The following ZFP14 variants were observed in gnomAD, a reference collection of about 807,000 sequenced individuals.
The protein encoded by ZFP14 is zinc finger protein 14 homolog.
ZFP14 carries 22 observed loss-of-function variants against 54.5 expected under a neutral mutation model. That is an observed-to-expected ratio of 0.40 (90% CI 0.29 to 0.58). ZFP14 has a LOEUF of 0.58. ZFP14 is among the 20% of genes least tolerant of loss of function. The pLI, the probability that ZFP14 is intolerant of heterozygous loss-of-function variation, is 0.39. For missense variants in ZFP14, 470 were observed against 637.8 expected (o/e 0.74, Z 2.83); for synonymous variants, 159 against 204.0 (o/e 0.78, Z 1.88).
At position 36,341,271 on chromosome 19, in the gene ZFP14, T is replaced by G; in HGVS notation, c.555A>C (p.Ser185=). The change falls in exon 5 of 5, where the codon TCA becomes TCC. Residue 185 remains serine (S), a synonymous_variant. Coordinates refer to ENST00000270001, the MANE Select transcript of ZFP14 (RefSeq NM_020917.3). The surrounding 1 kb of genome is among the most constrained non-coding windows in gnomAD (Gnocchi z 4.2). The part of the protein sequence containing the change: ...KECRKTFIRR[S]TLSQHLRIHT... ...GAATTCTCAGGTGTTGACTAAGTGTTGAGCGACGAATAAAGGTCTTCCTAC... is the reference window on the plus strand; with the variant it reads ...GAATTCTCAGGTGTTGACTAAGTGTGGAGCGACGAATAAAGGTCTTCCTAC... The G allele has an allele frequency of 6.2e-7, 1 of 1,614,210 alleles. No individual in the cohort carries two copies. Among genetic ancestry groups the G allele is most frequent in the Non-Finnish European group, 8.5e-7 (1 of 1,180,050 alleles).
At chr19:36,356,205 T>A (rs2031610944) in intron 4 of ZFP14, among the ~76,000 whole-genome samples, 1 of 151,658 alleles carries the variant, frequency 6.6e-6, no homozygotes, top group Admixed American at 6.6e-5. Context: ...GAGGCTGAGG[T>A]GGATGGATCA....
rs771486287 is a variant in ZFP14 at position 36,341,334 on chromosome 19, G to C, written c.492C>G (p.Ile164Met). ...KRHNFLTEYQ[I>M]VHNGEKVYEC... Reference sequence around the variant, plus strand: ...CATACACCTTTTCTCCATTATGAACGATCTGATACTCAGTAAGAAAATTGT... The same window carrying C: ...CATACACCTTTTCTCCATTATGAACCATCTGATACTCAGTAAGAAAATTGT... The change falls in exon 5 of 5, where the codon ATC becomes ATG. Residue 164 changes from isoleucine to methionine, a missense_variant. Coordinates refer to ENST00000270001, the MANE Select transcript of ZFP14 (RefSeq NM_020917.3). This position sits in a 1 kb window ranked among gnomAD's most constrained non-coding sequence, Gnocchi z 4.2. The C allele has an allele frequency of 3.1e-6, 5 of 1,614,098 alleles. No homozygotes were observed. The highest frequency in any genetic ancestry group is 3.4e-6 in the Non-Finnish European group (4 of 1,180,020).
At chr19:36,356,019 T>C (rs1450129759) in intron 4 of ZFP14, among the ~76,000 whole-genome samples, 1 of 143,122 alleles carries the variant, frequency 7.0e-6, no homozygotes, top group Non-Finnish European at 1.6e-5. Context: ...ATTTTTTTTA[T>C]TTTAAAATAA....
rs772799449 is a variant in ZFP14 at position 36,363,189 on chromosome 19, CT to C, written c.10-952del. Among the ~76,000 whole-genome samples the C allele has an allele frequency of 4.1e-3, 405 of 97,742 alleles. 6 individuals carry two copies. The highest frequency in any genetic ancestry group is 0.023 in the Admixed American group (187 of 8,018). The allele number at this position is 97,742 out of a possible 152,430, so 64.1% of individuals were successfully genotyped here. A position where few individuals can be genotyped will look rare whatever the true frequency, so the allele number is the denominator to read the frequency against. On this transcript the variant is annotated intron_variant, in intron 2 of 4. Transcript: ENST00000270001. The stretch of plus-strand genomic sequence containing the variant: ...ATTATCAATCATATTCTTTTCTTTT[CT>C]TTTTTTTTTTTTTTTTTTTTTGAGA...
rs578030888 is a variant in ZFP14 at position 36,341,669 on chromosome 19, C to T, written c.236-79G>A. ...AAACAAACAAACAAAAAAACCACTT[C>T]TATAGAGAAAAGGCACCTAAAATAA... On this transcript the variant is annotated intron_variant, in intron 4 of 4. Transcript: ENST00000270001. This position sits in a 1 kb window ranked among gnomAD's most constrained non-coding sequence, Gnocchi z 4.2. 1.4e-6 allele frequency: 2 copies of T among 1,385,406 alleles called. No homozygotes were observed. The highest frequency in any genetic ancestry group is 1.9e-6 in the Non-Finnish European group (2 of 1,049,792). 85.8% of individuals were successfully genotyped at this position (1,385,406 alleles called of 1,614,324 possible). A position where few individuals can be genotyped will look rare whatever the true frequency, so the allele number is the denominator to read the frequency against.
chr19:36,363,189 C>CTTTTCTTTTTT (rs1555755935), intron 2 of ZFP14, among the ~76,000 whole-genome samples: 107 of 97,758 alleles, frequency 1.1e-3, no homozygotes, highest in African/African-American at 2.7e-3. Context: ...CTTTTCTTTT[C>CTTTTCTTTTTT]TTTTTTTTTT....
At chr19:36,375,908 G>A (rs1257951465) in intron 1 of ZFP14, among the ~76,000 whole-genome samples, 1 of 151,480 alleles carries the variant, frequency 6.6e-6, no homozygotes, top group Middle Eastern at 3.4e-3. Flanking sequence ...GGCCAGGTTG[G>A]TCTTAAACTC....
chr19:36,363,816 C>T (rs1331892539), intron 2 of ZFP14, among the ~76,000 whole-genome samples: 1 of 151,838 alleles, frequency 6.6e-6, no homozygotes, highest in Non-Finnish European at 1.5e-5. Flanking sequence ...ATGGTGAAAC[C>T]CTGTCTCTAC....
At chr19:36,366,093 C>T (rs1325015925) in intron 2 of ZFP14, among the ~76,000 whole-genome samples, 4 of 151,420 alleles carry the variant, frequency 2.6e-5, no homozygotes, top group African/African-American at 4.9e-5. Flanking sequence ...GGTGAAACCC[C>T]GTCTCTACAA....
chr19:36,360,672 A>G (rs1266797480), intron 3 of ZFP14, 139 bp from the exon 4 acceptor site: 2 of 690,812 alleles, frequency 2.9e-6, no homozygotes, highest in Non-Finnish European at 4.5e-6. Flanking sequence ...GGAGTTGAAG[A>G]ATGCTCATAT....
chr19:36,376,432 G>C (rs1290545688), intron 1 of ZFP14, among the ~76,000 whole-genome samples: 1 of 152,018 alleles, frequency 6.6e-6, no homozygotes, highest in African/African-American at 2.4e-5. Flanking sequence ...TGTAACCCCA[G>C]CTACTTGGGA....
intron 2 of ZFP14, among the ~76,000 whole-genome samples, chr19:36,366,250 A>C (rs1249633959): frequency 6.6e-6 from 1 of 152,026 alleles, no homozygotes; most frequent in Non-Finnish European, 1.5e-5. Flanking sequence ...CCTGGGCGAC[A>C]GAGCGAGACT....
intron 1 of ZFP14, chr19:36,378,139 G>A (rs1256533542): frequency 6.6e-6 from 1 of 152,236 alleles, no homozygotes; most frequent in Non-Finnish European, 1.5e-5. Flanking sequence ...TTGAGTTCCA[G>A]CTGAAAGATT....
chr19:36,363,969 G>T (rs532998564), intron 2 of ZFP14, among the ~76,000 whole-genome samples: 1 of 150,934 alleles, frequency 6.6e-6, no homozygotes, highest in African/African-American at 2.4e-5. Flanking sequence ...CAGCCTAGGC[G>T]ACAGAGTAAG....
intron 4 of ZFP14, 34 bp downstream of exon 4, chr19:36,360,401 G>C (rs1429405049): frequency 6.3e-7 from 1 of 1,592,204 alleles, no homozygotes; most frequent in East Asian, 2.2e-5. Context: ...ACCTGCAGTA[G>C]TGATTTCTCA....
intron 4 of ZFP14, among the ~76,000 whole-genome samples, chr19:36,344,614 T>C (rs1304656928): frequency 6.6e-6 from 1 of 152,138 alleles, no homozygotes; most frequent in East Asian, 1.9e-4. Flanking sequence ...GGAACCGGGC[T>C]GCACAGCAGA....
At chr19:36,358,092 C>CTATCTATCTATCATCT (rs757927325) in intron 4 of ZFP14, among the ~76,000 whole-genome samples, 5 of 127,808 alleles carry the variant, frequency 3.9e-5, no homozygotes, top group African/African-American at 1.2e-4. Context: ...ATCTATCTAT[C>CTATCTATCTATCATCT]ATCTATCTAT....
intron 4 of ZFP14, among the ~76,000 whole-genome samples, chr19:36,359,557 C>T (rs570839669): frequency 2.0e-5 from 3 of 150,378 alleles, no homozygotes; most frequent in Admixed American, 6.7e-5. Context: ...GTGTCAGTTC[C>T]GGTAAGTTGT....
At chr19:36,369,860 G>A (rs1194541287) in intron 1 of ZFP14, among the ~76,000 whole-genome samples, 1 of 151,674 alleles carries the variant, frequency 6.6e-6, no homozygotes, top group Non-Finnish European at 1.5e-5. Context: ...TCAAAAACAC[G>A]GTCTCACTCT....
Sources: gnomAD v4.1 joint callset for allele counts (sites outside exome capture counted in the v4.1 genomes callset) on GRCh38, gnomAD v4.1.1 for gene constraint, Gnocchi (gnomAD v3.1) non-coding constraint, MANE v1.5 for transcripts, NCBI Gene and HGNC (gene_info 2026-07-23, HGNC 2026-07-21) for gene names.